Variants in NPAS1 observed in about 807,000 individuals in gnomAD.
NPAS1 encodes neuronal PAS domain-containing protein 1.
Under a neutral mutation model 49.2 loss-of-function variants are expected in NPAS1, and 29 were observed. The observed-to-expected ratio is 0.59, with a 90% CI of 0.44 to 0.80. The LOEUF (loss-of-function observed/expected upper bound fraction) is 0.80. Ranked by LOEUF, NPAS1 falls within the 30% of genes least tolerant of loss-of-function variation. The pLI is 0.00. For synonymous variants in NPAS1, 408 were observed against 380.4 expected, an observed-to-expected ratio of 1.07 and a Z score of -0.84; for missense variants, 825 against 835.5, an observed-to-expected ratio of 0.99 and a Z score of 0.15.
intron 5 of NPAS1, among the ~76,000 whole-genome samples, chr19:47,033,532 C>T (rs541736610): frequency 7.2e-5 from 11 of 152,202 alleles, no homozygotes; most frequent in East Asian, 5.8e-4. Flanking sequence ...TGAGCCACCG[C>T]GCCCAGCCTG....
In NPAS1 at chr19:47,042,898, C is replaced by A. The variant is rs777337831; in HGVS notation, c.1306C>A (p.Pro436Thr). The change falls in exon 11 of 12, where the codon CCC becomes ACC. Residue 436 changes from proline to threonine, a missense_variant. Pro to Thr is a conservative substitution (Grantham distance 38). Transcript: ENST00000602212. ...CEEASSPGPEPTEPEPPTEGK... is the reference protein window; with the variant it reads ...CEEASSPGPETTEPEPPTEGK... ...GGAGGCATCCAGCCCGGGGCCAGAG[C>A]CCACAGGTGAGCCCCACCTCCCACC... 1.3e-6 allele frequency: 2 copies of A among 1,594,458 alleles called. No homozygotes were observed. The highest frequency in any genetic ancestry group is 1.7e-6 in the Non-Finnish European group (2 of 1,170,722).
intron 5 of NPAS1, among the ~76,000 whole-genome samples, chr19:47,035,696 ACCCACGCCCCACT>A (rs1032778613): frequency 2.0e-5 from 3 of 152,162 alleles, no homozygotes; most frequent in Admixed American, 6.5e-5. Context: ...GACACCTCCC[ACCCACGCCCCACT>A]CCCACACACA....
chr19:47,023,175 T>A (rs946329634), intron 3 of NPAS1, among the ~76,000 whole-genome samples: 1 of 152,066 alleles, frequency 6.6e-6, no homozygotes, highest in East Asian at 1.9e-4. Flanking sequence ...GCGGAGAGAA[T>A]GCGGCATTAG....
chr19:47,022,939 G>A (rs899672495), intron 3 of NPAS1, among the ~76,000 whole-genome samples: 1 of 152,190 alleles, frequency 6.6e-6, no homozygotes, highest in Admixed American at 6.5e-5. Flanking sequence ...GGCAGTGTGA[G>A]TGGTGTTTAT....
intron 11 of NPAS1, among the ~76,000 whole-genome samples, chr19:47,044,546 G>T (rs1443754982): frequency 6.6e-6 from 1 of 152,210 alleles, no homozygotes; most frequent in Non-Finnish European, 1.5e-5. Flanking sequence ...AAGAGCACAG[G>T]TCTAGACCAG....
chr19:47,031,490 G>T (rs921529640), intron 3 of NPAS1, among the ~76,000 whole-genome samples: 2 of 150,328 alleles, frequency 1.3e-5, no homozygotes, highest in African/African-American at 4.9e-5. Context: ...GAGCCACCTC[G>T]CCCAGCCTGT....
rs973223158 is a variant in NPAS1, at chr19:47,039,351, C to A, written c.805-56C>A. ...GAGGGAACCCAGCCCAGTGATGGTCCTCTTGCCCCCACTGGCCCGCCTTGT... is the reference window on the plus strand; with the variant it reads ...GAGGGAACCCAGCCCAGTGATGGTCATCTTGCCCCCACTGGCCCGCCTTGT... On this transcript the variant is annotated intron_variant, in intron 7 of 11. Transcript: ENST00000602212. 1.2e-5 allele frequency: 20 copies of A among 1,600,442 alleles called. No homozygotes were observed. The African/African-American group carries it at 2.7e-4, about 21-fold the overall frequency.
intron 3 of NPAS1, among the ~76,000 whole-genome samples, chr19:47,022,937 G>A (rs1039783781): frequency 6.6e-6 from 1 of 152,196 alleles, no homozygotes; most frequent in African/African-American, 2.4e-5. Flanking sequence ...AAGGCAGTGT[G>A]AGTGGTGTTT....
chr19:47,039,531 G>T lies in NPAS1; in HGVS notation c.929G>T (p.Ser310Ile). The change falls in exon 8 of 12, where the codon AGC (serine) becomes ATC (isoleucine). Residue 310 changes from serine (S) to isoleucine (I), a missense_variant. Transcript: ENST00000602212. Reference sequence around the variant, plus strand: ...GGACACATGATCGTCTTCCGTCTCAGCCTGGGTCTCACCATCCTTGCTTGT... The same window carrying T: ...GGACACATGATCGTCTTCCGTCTCATCCTGGGTCTCACCATCCTTGCTTGT... ...LHGHMIVFRL[S>I]LGLTILACES... The T allele has an allele frequency of 6.3e-7, 1 of 1,599,928 alleles. No homozygotes were observed. Among genetic ancestry groups the T allele is most frequent in the Non-Finnish European group, 8.5e-7 (1 of 1,171,296 alleles).
chr19:47,044,178 A>T lies in NPAS1; in HGVS notation c.1313-1013A>T, dbSNP rs554488156. Among the ~76,000 whole-genome samples, 4 of 152,282 alleles carry T rather than the reference A, an allele frequency of 2.6e-5. No homozygotes were observed. The South Asian group carries it at 8.3e-4, about 32-fold the overall frequency. On this transcript the variant is annotated intron_variant, in intron 11 of 11. Transcript: ENST00000602212. ...AACCTCCGCCTCCCGGGTTCAAGTG[A>T]TTCTCCTGCCTCAGCCTCCCAAGTA...
Position 47,040,418 on chromosome 19 carries a change from C to T in NPAS1, c.963-26C>T, listed in dbSNP as rs781440969. ...CCCCCAACCCCGTGGTCTTGGACTC[C>T]TCCCCTCTTCTCTGTCACCCCCCAG... On this transcript the variant is annotated intron_variant, in intron 8 of 11. Coordinates refer to ENST00000602212, the MANE Select transcript of NPAS1 (RefSeq NM_002517.4). 3.3e-6 allele frequency: 5 copies of T among 1,522,918 alleles called. No homozygotes were observed. The South Asian group carries it at 4.8e-5, about 15-fold the overall frequency. 94.3% of individuals were successfully genotyped at this position (1,522,918 alleles called of 1,614,324 possible).
At chr19:47,044,348 C>T (rs938232907) in intron 11 of NPAS1, among the ~76,000 whole-genome samples, 6 of 152,136 alleles carry the variant, frequency 3.9e-5, no homozygotes, top group Non-Finnish European at 7.3e-5. Flanking sequence ...GCTGGGATTA[C>T]AGGCATGAGC....
chr19:47,045,470 C>CGGTG lies in NPAS1; in HGVS notation c.1594_1597dup (p.Val533GlyfsTer80). 1 of 1,578,250 alleles carries CGGTG rather than the reference C, an allele frequency of 6.3e-7. No homozygotes were observed. The highest frequency in any genetic ancestry group is 8.6e-7 in the Non-Finnish European group (1 of 1,165,646). On this transcript the variant is annotated frameshift_variant, in exon 12 of 12. Transcript: ENST00000602212. LOFTEE classifies it high-confidence loss of function. The stretch of plus-strand genomic sequence containing the variant: ...CTCCTGCACGCGGGCTTCCTGCCGC[C>CGGTG]GGTGGTGCGGGGCCTGTGCACACCC...
Position 47,032,644 on chromosome 19 carries a change from C to A in NPAS1, c.434C>A (p.Ser145Tyr). ...CCTCCCTGTCTCTCCCGGCTCTAGT[C>A]CCTGGATGGCTTTGTGTTCGCCTTG... ...EQHLGGHILQ[S>Y]LDGFVFALNQ... is the part of the protein sequence containing the mutation. Residue 145 changes from serine to tyrosine, a missense_variant and splice_region_variant, in exon 5 of 12, where the codon TCC becomes TAC. Physicochemically the swap from Ser to Tyr is moderately radical, Grantham distance 144 (BLOSUM62 -2). Transcript: ENST00000602212. 1.2e-6 allele frequency: 2 copies of A among 1,613,874 alleles called. No individual in the cohort carries two copies. Among genetic ancestry groups the A allele is most frequent in the South Asian group, 1.1e-5 (1 of 91,086 alleles).
intron 5 of NPAS1, among the ~76,000 whole-genome samples, 171 bp downstream of exon 5, chr19:47,032,903 A>G (rs538920735): frequency 6.6e-6 from 1 of 152,210 alleles, no homozygotes; most frequent in East Asian, 1.9e-4. Flanking sequence ...AGCATGGTTC[A>G]TCCTTGAAGG....
intron 6 of NPAS1, among the ~76,000 whole-genome samples, chr19:47,036,738 C>T (rs2056960674): frequency 7.1e-6 from 1 of 141,762 alleles, no homozygotes; most frequent in Non-Finnish European, 1.5e-5. Context: ...AAAAAATTAG[C>T]TGGGTATGGT....
Position 47,023,449 on chromosome 19 carries a change from TG to T in NPAS1, c.358+1609del, listed in dbSNP as rs1019488783. On this transcript the variant is annotated intron_variant, in intron 3 of 11. Coordinates refer to ENST00000602212, the MANE Select transcript of NPAS1 (RefSeq NM_002517.4). ...AAGTGGAAGTAGGGTCAGGACAGTGTGGGGGGGCTTGGTACTGCGTGGACTC... is the reference window on the plus strand; with the variant it reads ...AAGTGGAAGTAGGGTCAGGACAGTGTGGGGGGCTTGGTACTGCGTGGACTC... 3.3e-5 allele frequency among the ~76,000 whole-genome samples: 5 copies of T among 151,568 alleles called. No individual in the cohort carries two copies. In the East Asian group the frequency reaches 9.7e-4, roughly 29 times the overall value.
At chr19:47,026,175 G>A (rs1206296454) in intron 3 of NPAS1, among the ~76,000 whole-genome samples, 1 of 152,082 alleles carries the variant, frequency 6.6e-6, no homozygotes, top group Non-Finnish European at 1.5e-5. Flanking sequence ...CTGACCTCAG[G>A]TGATCCATCC....
chr19:47,041,480 G>C (rs1190095970), intron 10 of NPAS1, among the ~76,000 whole-genome samples: 1 of 151,994 alleles, frequency 6.6e-6, no homozygotes, highest in Non-Finnish European at 1.5e-5. Context: ...GCAACTAATG[G>C]AAAGAAGCAG....
Sources: gnomAD v4.1 joint callset for allele counts (sites outside exome capture counted in the v4.1 genomes callset) on GRCh38, gnomAD v4.1.1 for gene constraint, MANE v1.5 for transcripts, NCBI Gene and HGNC (gene_info 2026-07-23, HGNC 2026-07-21) for gene names.